The following GAD2 variants were observed in gnomAD, a reference collection of about 807,000 sequenced individuals.
GAD2 encodes 65 kDa glutamic acid decarboxylase.
In GAD2, 22 loss-of-function variants were observed where a neutral mutation model predicts 80.1. That is an observed-to-expected ratio of 0.27 (90% CI 0.20 to 0.39). GAD2 has a LOEUF of 0.39. Among genes scored for constraint, GAD2 ranks in the 10% least tolerant of loss-of-function variants. GAD2 has a pLI of 1.00. For missense variants in GAD2, 624 were observed against 738.4 expected (o/e 0.85, Z 1.80); for synonymous variants, 274 against 256.9 (o/e 1.07, Z -0.64).
At chr10:26,249,304 C>G (rs966069685) in intron 8 of GAD2, among the ~76,000 whole-genome samples, 1 of 152,182 alleles carries the variant, frequency 6.6e-6, no homozygotes, top group African/African-American at 2.4e-5. Flanking sequence ...TGAGATGATC[C>G]GTCCGCCTCG....
Position 26,304,131 on chromosome 10 carries a change from C to G in GAD2, c.*3170C>G, listed in dbSNP as rs1834356962. The G allele has an allele frequency of 6.6e-6, 1 of 152,538 alleles. No individual in the cohort carries two copies. Among genetic ancestry groups the G allele is most frequent in the African/African-American group, 2.4e-5 (1 of 41,550 alleles). 9.4% of individuals were successfully genotyped at this position (152,538 alleles called of 1,614,324 possible). A position where few individuals can be genotyped will look rare whatever the true frequency, so the allele number is the denominator to read the frequency against. On this transcript the variant is annotated 3_prime_UTR_variant, in exon 16 of 16. Coordinates refer to ENST00000376261, the MANE Select transcript of GAD2 (RefSeq NM_001134366.2). Reference sequence around the variant, plus strand: ...GTGAACACCACTTTGTCTCTGAGAACAGACGTTACCAATTATGGAGTGTCA... The same window carrying G: ...GTGAACACCACTTTGTCTCTGAGAAGAGACGTTACCAATTATGGAGTGTCA...
chr10:26,280,395 G>A (rs1338747251), intron 11 of GAD2, among the ~76,000 whole-genome samples: 1 of 152,162 alleles, frequency 6.6e-6, no homozygotes, highest in African/African-American at 2.4e-5. Context: ...TAAGAAATTG[G>A]TCAACATATG....
At chr10:26,296,376 G>A (rs1430754362) in intron 15 of GAD2, among the ~76,000 whole-genome samples, 1 of 152,210 alleles carries the variant, frequency 6.6e-6, no homozygotes, top group Non-Finnish European at 1.5e-5. Context: ...TGGCTCATAA[G>A]CCTTTTTCCA....
chr10:26,271,904 C>G (rs996523458), intron 10 of GAD2, among the ~76,000 whole-genome samples: 1 of 152,070 alleles, frequency 6.6e-6, no homozygotes, highest in Non-Finnish European at 1.5e-5. Context: ...GGATTACAGA[C>G]GTGCGCACCC....
At chr10:26,271,685 C>T (rs776182445) in intron 10 of GAD2, among the ~76,000 whole-genome samples, 4 of 152,154 alleles carry the variant, frequency 2.6e-5, no homozygotes, top group Non-Finnish European at 5.9e-5. Flanking sequence ...GGGTCTAAGC[C>T]AGGGCTATAA....
At chr10:26,222,199 A>G (rs565253315) in intron 4 of GAD2, among the ~76,000 whole-genome samples, 2 of 152,276 alleles carry the variant, frequency 1.3e-5, no homozygotes, top group African/African-American at 4.8e-5. Context: ...ACCTGTTTTC[A>G]CTGTTTACGG....
intron 11 of GAD2, among the ~76,000 whole-genome samples, chr10:26,275,239 T>C (rs1845185637): frequency 6.6e-6 from 1 of 152,250 alleles, no homozygotes; most frequent in African/African-American, 2.4e-5. Flanking sequence ...CTATGTACAG[T>C]ACTTTCTCTT....
intron 7 of GAD2, among the ~76,000 whole-genome samples, chr10:26,240,591 G>T (rs1393089307): frequency 3.3e-5 from 5 of 151,962 alleles, no homozygotes; most frequent in Admixed American, 2.6e-4. Context: ...AATTAGCCAG[G>T]CATGGTGGCA....
At chr10:26,274,092 T>C (rs1845170010) in intron 11 of GAD2, among the ~76,000 whole-genome samples, 1 of 152,168 alleles carries the variant, frequency 6.6e-6, no homozygotes, top group South Asian at 2.1e-4. Flanking sequence ...TAATATCCAC[T>C]GCTTAAAAAA....
At chr10:26,223,122 C>T (rs567095949) in intron 4 of GAD2, among the ~76,000 whole-genome samples, 8 of 152,260 alleles carry the variant, frequency 5.3e-5, no homozygotes, top group Admixed American at 2.6e-4. Flanking sequence ...ATAAGCCTTG[C>T]GATGGACTAA....
chr10:26,234,486 C>T (rs894589688), intron 7 of GAD2, among the ~76,000 whole-genome samples: 6 of 152,176 alleles, frequency 3.9e-5, no homozygotes, highest in African/African-American at 7.2e-5. Flanking sequence ...CAACACTGCT[C>T]TTTATAAACT....
At chr10:26,232,391 A>G (rs1305650884) in intron 7 of GAD2, among the ~76,000 whole-genome samples, 1 of 151,160 alleles carries the variant, frequency 6.6e-6, no homozygotes, top group African/African-American at 2.4e-5. Context: ...CTGAGACTTG[A>G]TCAGGCCATG....
At chr10:26,299,656 C>G (rs1428725491) in intron 15 of GAD2, among the ~76,000 whole-genome samples, 1 of 152,146 alleles carries the variant, frequency 6.6e-6, no homozygotes, top group Non-Finnish European at 1.5e-5. Flanking sequence ...CTGTGTCTGC[C>G]CTCCAGGACC....
intron 13 of GAD2, among the ~76,000 whole-genome samples, chr10:26,287,458 T>G (rs768415159): frequency 1.1e-4 from 16 of 152,304 alleles, no homozygotes; most frequent in Middle Eastern, 3.4e-3. Context: ...TCTATGCACA[T>G]TCAAAGGAGG....
chr10:26,243,991 T>C (rs770163706), intron 7 of GAD2, among the ~76,000 whole-genome samples: 6 of 152,230 alleles, frequency 3.9e-5, no homozygotes, highest in Non-Finnish European at 8.8e-5. Context: ...ATTTCCAGCA[T>C]CTTTCCAGTT....
intron 7 of GAD2, among the ~76,000 whole-genome samples, chr10:26,241,843 C>T (rs1038203584): frequency 3.9e-5 from 6 of 152,100 alleles, no homozygotes; most frequent in Non-Finnish European, 8.8e-5. Context: ...TTTGCGTCCT[C>T]ACTCCTCTGG....
At chr10:26,300,397 G>T (rs1451662279) in intron 15 of GAD2, among the ~76,000 whole-genome samples, 7 of 152,090 alleles carry the variant, frequency 4.6e-5, no homozygotes, top group South Asian at 4.1e-4. Flanking sequence ...CTTACATTTT[G>T]GTAACAATCC....
intron 4 of GAD2, 106 bp downstream of exon 4, chr10:26,219,382 T>C: frequency 1.4e-6 from 1 of 730,136 alleles, no homozygotes; most frequent in East Asian, 2.8e-5. Context: ...ATTTTCAAAA[T>C]TGCAAAGTTA....
intron 7 of GAD2, among the ~76,000 whole-genome samples, chr10:26,237,204 A>G (rs1157997393): frequency 6.6e-6 from 1 of 152,186 alleles, no homozygotes; most frequent in Non-Finnish European, 1.5e-5. Flanking sequence ...GGCTCCTGAG[A>G]TCCCATCCAC....
Sources: allele counts gnomAD v4.1 joint callset (sites outside exome capture counted in the v4.1 genomes callset), GRCh38; gene constraint gnomAD v4.1.1; transcripts MANE v1.5; gene names NCBI Gene and HGNC (gene_info 2026-07-23, HGNC 2026-07-21).